Variants in PCBP3 observed in about 807,000 individuals in gnomAD.
The protein encoded by PCBP3 is poly(rC) binding protein 3, also known as poly(rC)-binding protein 3.
In PCBP3, 25 loss-of-function variants were observed where a neutral mutation model predicts 52.7. The ratio of observed to expected loss-of-function variants is 0.47; its 90% CI spans 0.35 to 0.66. The LOEUF (loss-of-function observed/expected upper bound fraction) is 0.66. PCBP3 is among the 30% of genes least tolerant of loss of function. PCBP3 has a pLI of 0.01. For synonymous variants in PCBP3, 162 were observed against 183.0 expected (o/e 0.89, Z 0.93); for missense variants, 391 against 490.3 (o/e 0.80, Z 1.91).
chr21:45,865,415 T>C (rs2094679179), intron 5 of PCBP3, among the ~76,000 whole-genome samples: 1 of 152,226 alleles, frequency 6.6e-6, no homozygotes, highest in Non-Finnish European at 1.5e-5. Flanking sequence ...GGATGGATAT[T>C]CCTTCGCTTC....
At chr21:45,738,188 T>C (rs1302950479) in intron 3 of PCBP3, among the ~76,000 whole-genome samples, 2 of 152,176 alleles carry the variant, frequency 1.3e-5, no homozygotes, top group Admixed American at 1.3e-4. Flanking sequence ...GAATACTTCA[T>C]TGAAGATTTT....
In PCBP3 at chr21:45,656,578, A is replaced by G. The variant is rs545376338; in HGVS notation, c.-278-12296A>G. ...GATGGGTGCAGCAAACCACCGTGGC[A>G]TGTGTATACCTGTGTAACAAACCTG... On this transcript the variant is annotated intron_variant, in intron 1 of 17. Coordinates refer to ENST00000681687, the MANE Select transcript of PCBP3 (RefSeq NM_001384156.1). The surrounding 1 kb of genome is among the most constrained non-coding windows in gnomAD (Gnocchi z 4.3). Among the ~76,000 whole-genome samples the G allele has an allele frequency of 2.6e-5, 4 of 152,270 alleles. No homozygotes were observed. The highest frequency in any genetic ancestry group is 1.3e-4 in the Admixed American group (2 of 15,308).
intron 5 of PCBP3, among the ~76,000 whole-genome samples, chr21:45,857,899 C>T (rs11909949): frequency 0.025 from 3,758 of 152,300 alleles, 169 homozygotes; most frequent in African/African-American, 0.085. Context: ...CCCCCCAGGG[C>T]CTTGCTCTCC....
intron 13 of PCBP3, among the ~76,000 whole-genome samples, chr21:45,927,506 A>G (rs1325649331): frequency 6.7e-6 from 1 of 150,346 alleles, no homozygotes; most frequent in Non-Finnish European, 1.5e-5. Flanking sequence ...CCTTTAAAAA[A>G]TGTGGAAATT....
intron 2 of PCBP3, among the ~76,000 whole-genome samples, chr21:45,727,932 A>T (rs1299175044): frequency 4.6e-5 from 7 of 152,186 alleles, no homozygotes; most frequent in African/African-American, 1.7e-4. Flanking sequence ...GGGTCAATTT[A>T]TTTATCTTTA....
rs75569875 is a variant in PCBP3, at chr21:45,829,043, C to T, written c.-125-20918C>T. On this transcript the variant is annotated intron_variant, in intron 4 of 17. Coordinates refer to ENST00000681687, the MANE Select transcript of PCBP3 (RefSeq NM_001384156.1). The surrounding 1 kb of genome is among the most constrained non-coding windows in gnomAD (Gnocchi z 5.2). ...TACCAGGTGAAGCTGGATTACTTCC[C>T]GGCCTCCTTATAATGGAAAGAGCTA... 7.3e-3 allele frequency: 1,116 copies of T among 152,410 alleles called. 15 individuals are homozygous for T. Among genetic ancestry groups the T allele is most frequent in the East Asian group, 0.042 (217 of 5,178 alleles). 9.4% of individuals were successfully genotyped at this position (152,410 alleles called of 1,614,324 possible).
Position 45,917,541 on chromosome 21 carries a change from G to T in PCBP3, c.676-47G>T. On this transcript the variant is annotated intron_variant, in intron 12 of 17. Coordinates refer to ENST00000681687, the MANE Select transcript of PCBP3 (RefSeq NM_001384156.1). The surrounding 1 kb of genome is among the most constrained non-coding windows in gnomAD (Gnocchi z 5.3). ...GGAGGGTGGCGGCGGGTGCTGAGCC[G>T]TGGTGCAGCCAGGTTGCAGTCTGAC... 1 of 1,544,582 alleles carries T rather than the reference G, an allele frequency of 6.5e-7. No homozygotes were observed. Among genetic ancestry groups the T allele is most frequent in the Non-Finnish European group, 8.9e-7 (1 of 1,119,556 alleles).
intron 2 of PCBP3, among the ~76,000 whole-genome samples, chr21:45,686,039 C>T (rs1841268615): frequency 6.6e-6 from 1 of 151,884 alleles, no homozygotes; most frequent in South Asian, 2.1e-4. Context: ...CTGCCTCAGC[C>T]TCCTGAGTAG....
At chr21:45,694,929 TG>T (rs1198936617) in intron 2 of PCBP3, among the ~76,000 whole-genome samples, 1 of 152,216 alleles carries the variant, frequency 6.6e-6, no homozygotes, top group African/African-American at 2.4e-5. Flanking sequence ...TTCAGCAATT[TG>T]TTTTTTTTAG....
At chr21:45,701,844 G>T (rs2083149043) in intron 2 of PCBP3, among the ~76,000 whole-genome samples, 1 of 152,272 alleles carries the variant, frequency 6.6e-6, no homozygotes, top group South Asian at 2.1e-4. Context: ...ACAGGCATGA[G>T]CCACCTCACC....
intron 4 of PCBP3, among the ~76,000 whole-genome samples, chr21:45,849,584 A>C (rs1269093633): frequency 2.0e-5 from 3 of 152,248 alleles, no homozygotes; most frequent in African/African-American, 7.2e-5. Context: ...TTTGTTCACT[A>C]TCAGTGAAAT....
At chr21:45,653,405 G>T (rs1027913494) in intron 1 of PCBP3, among the ~76,000 whole-genome samples, 2 of 151,978 alleles carry the variant, frequency 1.3e-5, no homozygotes, top group Non-Finnish European at 2.9e-5. Context: ...TTGAGACTGT[G>T]TTGTCAGGGC....
intron 2 of PCBP3, among the ~76,000 whole-genome samples, chr21:45,693,707 CA>C (rs1282891989): frequency 6.6e-6 from 1 of 151,878 alleles, no homozygotes; most frequent in Non-Finnish European, 1.5e-5. Flanking sequence ...AAATATTTTT[CA>C]AAAATGAAGG....
chr21:45,807,630 G>C (rs1054418101), intron 4 of PCBP3, among the ~76,000 whole-genome samples: 11 of 151,962 alleles, frequency 7.2e-5, no homozygotes, highest in Non-Finnish European at 1.5e-5. Flanking sequence ...TATAGATTCA[G>C]TGTTAGCTCC....
At chr21:45,734,434 C>T (rs116946461) in intron 2 of PCBP3, among the ~76,000 whole-genome samples, 2 of 152,198 alleles carry the variant, frequency 1.3e-5, no homozygotes, top group African/African-American at 4.8e-5. Context: ...TGGTACTCTG[C>T]CCTCTAATTC....
chr21:45,716,354 A>T (rs948030950), intron 2 of PCBP3, among the ~76,000 whole-genome samples: 23 of 152,316 alleles, frequency 1.5e-4, no homozygotes, highest in Admixed American at 6.5e-4. Flanking sequence ...CTACATCATT[A>T]TACCCTGAAT....
At chr21:45,872,860 A>G (rs1183415568) in intron 5 of PCBP3, 1 of 152,234 alleles carries the variant, frequency 6.6e-6, no homozygotes, top group East Asian at 1.9e-4. Context: ...AACGATGCCC[A>G]TCCATTCCTA....
At chr21:45,930,970 C>A in intron 15 of PCBP3, 125 bp downstream of exon 15, 2 of 1,371,500 alleles carry the variant, frequency 1.5e-6, no homozygotes, top group East Asian at 4.9e-5. Flanking sequence ...GTGGGCCAGC[C>A]TCAGGTGCTG....
chr21:45,784,440 C>G (rs1469535288), intron 4 of PCBP3, among the ~76,000 whole-genome samples: 1 of 150,878 alleles, frequency 6.6e-6, no homozygotes, highest in African/African-American at 2.5e-5. Context: ...TACCTCCTAC[C>G]TCCTACCTCC....
Sources: gnomAD v4.1 joint callset for allele counts (sites outside exome capture counted in the v4.1 genomes callset) on GRCh38, gnomAD v4.1.1 for gene constraint, Gnocchi (gnomAD v3.1) non-coding constraint, MANE v1.5 for transcripts, NCBI Gene and HGNC (gene_info 2026-07-23, HGNC 2026-07-21) for gene names.